The following HCN1 variants were observed in gnomAD, a reference collection of about 807,000 sequenced individuals.
HCN1 encodes hyperpolarization activated cyclic nucleotide gated potassium channel 1, also known as potassium/sodium hyperpolarization-activated cyclic nucleotide-gated channel 1.
HCN1 carries 13 observed loss-of-function variants against 78.9 expected under a neutral mutation model. The ratio of observed to expected loss-of-function variants is 0.16; its 90% confidence interval spans 0.11 to 0.26. The LOEUF is 0.26. HCN1 is among the 10% of genes least tolerant of loss of function. HCN1 has a pLI of 1.00. For synonymous variants in HCN1, 552 were observed against 455.5 expected (o/e 1.21, Z -2.70); for missense variants, 810 against 1,154.3 (o/e 0.70, Z 4.32).
chr5:45,426,283 T>G (rs1034351251), intron 3 of HCN1, among the ~76,000 whole-genome samples: 2 of 152,202 alleles, frequency 1.3e-5, no homozygotes, highest in Non-Finnish European at 1.5e-5. Context: ...GGAGCTAATG[T>G]GAATGGTTAG....
At chr5:45,549,886 C>T (rs1743325334) in intron 2 of HCN1, among the ~76,000 whole-genome samples, 1 of 152,168 alleles carries the variant, frequency 6.6e-6, no homozygotes, top group Admixed American at 6.5e-5. Context: ...AGCCAACAGA[C>T]ACATGAAAAA....
intron 3 of HCN1, among the ~76,000 whole-genome samples, chr5:45,406,042 T>C (rs1209071013): frequency 2.0e-5 from 3 of 152,152 alleles, no homozygotes; most frequent in Admixed American, 6.5e-5. Flanking sequence ...TTGATATTGG[T>C]ACATTATTTT....
rs1007416378 is a variant in HCN1, at chr5:45,303,666, G to A, written c.1551C>T (p.His517=). ...AVGKKMYFIQ[H]GVAGVITKSS... ...ATTTTGTAATGACACCAGCAACACCGTGTTGAATGAAATACATTTTTTTAC... is the reference window on the plus strand; with the variant it reads ...ATTTTGTAATGACACCAGCAACACCATGTTGAATGAAATACATTTTTTTAC... Residue 517 remains histidine (H), a synonymous_variant, in exon 6 of 8, where the codon CAC becomes CAT. Coordinates refer to ENST00000303230, the MANE Select transcript of HCN1 (RefSeq NM_021072.4). 6.8e-6 allele frequency: 11 copies of A among 1,613,030 alleles called. No homozygotes were observed. Among genetic ancestry groups the A allele is most frequent in the East Asian group, 2.2e-5 (1 of 44,810 alleles).
At chr5:45,551,174 GA>G (rs1291706121) in intron 2 of HCN1, among the ~76,000 whole-genome samples, 1 of 151,922 alleles carries the variant, frequency 6.6e-6, no homozygotes, top group African/African-American at 2.4e-5. Flanking sequence ...CATATTCAGT[GA>G]TACGCATGTC....
chr5:45,630,424 G>A (rs1428039547), intron 2 of HCN1, among the ~76,000 whole-genome samples: 4 of 152,086 alleles, frequency 2.6e-5, no homozygotes, highest in African/African-American at 9.7e-5. Flanking sequence ...TCACTATGGG[G>A]CCTAATCAAA....
rs183655254 is a variant in HCN1, at chr5:45,295,467, C to T, written c.1618+8132G>A. Among the ~76,000 whole-genome samples the T allele has an allele frequency of 2.0e-5, 3 of 152,074 alleles. No individual in the cohort carries two copies. The East Asian group carries it at 5.8e-4, about 30-fold the overall frequency. On this transcript the variant is annotated intron_variant, in intron 6 of 7. Transcript: ENST00000303230. ...CTTTCTGCTACAACACTACGTAAGA[C>T]CTCTGCTAAGAAGACTGGATGAGGT... is the stretch of plus-strand genomic sequence containing the variant.
At chr5:45,468,005 A>G (rs1429070958) in intron 2 of HCN1, among the ~76,000 whole-genome samples, 1 of 152,042 alleles carries the variant, frequency 6.6e-6, no homozygotes, top group Non-Finnish European at 1.5e-5. Context: ...TCTCATGGCT[A>G]TATGTACACA....
intron 2 of HCN1, among the ~76,000 whole-genome samples, chr5:45,500,470 A>C (rs1742165467): frequency 1.3e-5 from 2 of 152,200 alleles, no homozygotes. Flanking sequence ...TATGAGGCCT[A>C]AAATTAGTGG....
chr5:45,403,098 A>G (rs151220911), intron 3 of HCN1, among the ~76,000 whole-genome samples: 1 of 152,212 alleles, frequency 6.6e-6, no homozygotes, highest in Non-Finnish European at 1.5e-5. Context: ...ATTAGGCATA[A>G]GGATCTTCTC....
chr5:45,648,804 G>C (rs1745622591), intron 1 of HCN1, among the ~76,000 whole-genome samples: 1 of 151,118 alleles, frequency 6.6e-6, no homozygotes, highest in Non-Finnish European at 1.5e-5. Flanking sequence ...TATTTCTCTG[G>C]TCTGGGCAGA....
At chr5:45,583,998 A>G (rs1744143719) in intron 2 of HCN1, among the ~76,000 whole-genome samples, 1 of 152,170 alleles carries the variant, frequency 6.6e-6, no homozygotes, top group South Asian at 2.1e-4. Context: ...AAAAGAATGT[A>G]TATTCTGTTG....
intron 4 of HCN1, among the ~76,000 whole-genome samples, chr5:45,393,505 GA>G (rs1212840679): frequency 6.6e-6 from 1 of 152,070 alleles, no homozygotes; most frequent in East Asian, 1.9e-4. Flanking sequence ...AAAAATAAAA[GA>G]ATGGTCATCA....
intron 3 of HCN1, among the ~76,000 whole-genome samples, chr5:45,415,759 CTGTT>C (rs1264229157): frequency 2.0e-5 from 3 of 152,006 alleles, no homozygotes; most frequent in African/African-American, 7.2e-5. Context: ...GCTGTACCGT[CTGTT>C]TATTTGTTTG....
At chr5:45,378,568 T>G (rs940336025) in intron 4 of HCN1, among the ~76,000 whole-genome samples, 1 of 152,090 alleles carries the variant, frequency 6.6e-6, no homozygotes, top group Non-Finnish European at 1.5e-5. Context: ...TATCTATCCA[T>G]TCATTGATTA....
chr5:45,415,528 C>G (rs1463263537), intron 3 of HCN1, among the ~76,000 whole-genome samples: 5 of 152,052 alleles, frequency 3.3e-5, no homozygotes, highest in Admixed American at 2.6e-4. Context: ...CAAGCCAATT[C>G]ATTATTTGCC....
intron 3 of HCN1, among the ~76,000 whole-genome samples, chr5:45,422,159 G>T (rs992392609): frequency 6.6e-6 from 1 of 152,154 alleles, no homozygotes; most frequent in Non-Finnish European, 1.5e-5. Flanking sequence ...AACAGGCCTT[G>T]CTAAGTTTCC....
At chr5:45,529,346 C>A (rs1742795517) in intron 2 of HCN1, among the ~76,000 whole-genome samples, 1 of 151,744 alleles carries the variant, frequency 6.6e-6, no homozygotes, top group African/African-American at 2.4e-5. Context: ...GACGGCAAAT[C>A]AGAGCCCAGG....
chr5:45,576,174 T>A (rs2111911309), intron 2 of HCN1: 1 of 152,238 alleles, frequency 6.6e-6, no homozygotes, highest in Admixed American at 6.6e-5. Flanking sequence ...AAGTGGCGCC[T>A]CAAGAAGTGA....
intron 5 of HCN1, among the ~76,000 whole-genome samples, chr5:45,351,614 C>T (rs1204820603): frequency 6.2e-5 from 8 of 129,358 alleles, no homozygotes; most frequent in Admixed American, 2.3e-4. Context: ...AGAAAATTTT[C>T]GCAACCTACT....
Sources: gnomAD v4.1 joint callset for allele counts (sites outside exome capture counted in the v4.1 genomes callset) on GRCh38, gnomAD v4.1.1 for gene constraint, MANE v1.5 for transcripts, NCBI Gene and HGNC (gene_info 2026-07-23, HGNC 2026-07-21) for gene names.